The following CACNA1D variants were observed in gnomAD, a reference collection of about 807,000 sequenced individuals.
CACNA1D encodes the protein calcium voltage-gated channel subunit alpha1 D.
Under a neutral mutation model 257.1 loss-of-function variants are expected in CACNA1D, and 55 were observed. That is an observed-to-expected ratio of 0.21 (90% confidence interval 0.17 to 0.27). The LOEUF is 0.27. Ranked by LOEUF, CACNA1D falls within the 10% of genes least tolerant of loss-of-function variation. The probability of loss-of-function intolerance (pLI) is 1.00; values close to 1 mark genes in which losing one functional copy is unlikely to be tolerated. For synonymous variants in CACNA1D, 980 were observed against 1,014.9 expected, an observed-to-expected ratio of 0.97 and a Z score of 0.65; for missense variants, 1,876 against 2,784.0, an observed-to-expected ratio of 0.67 and a Z score of 7.34.
intron 3 of CACNA1D, among the ~76,000 whole-genome samples, chr3:53,647,579 C>G (rs923866851): frequency 3.9e-5 from 6 of 152,246 alleles, no homozygotes; most frequent in Non-Finnish European, 8.8e-5. Flanking sequence ...TGTTAGGAAC[C>G]TGACTTTCTT....
intron 3 of CACNA1D, among the ~76,000 whole-genome samples, chr3:53,563,870 A>T (rs750017554): frequency 3.3e-5 from 5 of 152,138 alleles, no homozygotes; most frequent in Non-Finnish European, 7.4e-5. Context: ...TTTTCTTGAT[A>T]CATATGTGCT....
At chr3:53,696,317 C>T (rs2094572943) in intron 8 of CACNA1D, among the ~76,000 whole-genome samples, 1 of 152,200 alleles carries the variant, frequency 6.6e-6, no homozygotes, top group Non-Finnish European at 1.5e-5. Context: ...CTTCTCCTTC[C>T]TCTGCTCCTG....
intron 3 of CACNA1D, among the ~76,000 whole-genome samples, chr3:53,551,553 A>G (rs1392567076): frequency 2.6e-5 from 4 of 152,216 alleles, no homozygotes; most frequent in African/African-American, 4.8e-5. Flanking sequence ...TAAATGAACT[A>G]TGAGGTATCG....
intron 3 of CACNA1D, among the ~76,000 whole-genome samples, chr3:53,549,698 A>G (rs2092489291): frequency 6.6e-6 from 1 of 152,246 alleles, no homozygotes; most frequent in African/African-American, 2.4e-5. Flanking sequence ...AGGGTATTAC[A>G]CTTGCTCATA....
At chr3:53,808,871 A>G (rs2095581346) in intron 46 of CACNA1D, 101 bp downstream of exon 46, 3 of 1,245,654 alleles carry the variant, frequency 2.4e-6, no homozygotes, top group Non-Finnish European at 3.4e-6. Context: ...CCAGGAGGGA[A>G]GGAGAGAATC....
At chr3:53,515,858 C>G (rs1373746785) in intron 3 of CACNA1D, among the ~76,000 whole-genome samples, 1 of 152,156 alleles carries the variant, frequency 6.6e-6, no homozygotes, top group East Asian at 1.9e-4. Context: ...AGATGCTGGC[C>G]CATTGATTTC....
At chr3:53,749,174 G>A (rs1050208359) in intron 26 of CACNA1D, 94 bp from the exon 27 acceptor site, 20 of 846,740 alleles carry the variant, frequency 2.4e-5, no homozygotes, top group Admixed American at 1.4e-4. Context: ...GCTCATGAGA[G>A]GAGTTCTGGA....
intron 3 of CACNA1D, among the ~76,000 whole-genome samples, chr3:53,549,195 A>G (rs2092477471): frequency 6.6e-6 from 1 of 152,220 alleles, no homozygotes; most frequent in Non-Finnish European, 1.5e-5. Flanking sequence ...AGGATGGCTG[A>G]GTATAGTAGG....
intron 6 of CACNA1D, 93 bp downstream of exon 6, chr3:53,665,905 T>C: frequency 9.5e-7 from 1 of 1,058,028 alleles, no homozygotes; most frequent in Non-Finnish European, 1.4e-6. Flanking sequence ...TAAAACAAAA[T>C]AGGAAAAAAA....
chr3:53,794,206 T>A (rs1257486844), intron 40 of CACNA1D, among the ~76,000 whole-genome samples: 5 of 152,208 alleles, frequency 3.3e-5, no homozygotes, highest in Non-Finnish European at 7.3e-5. Flanking sequence ...AAGGTGGTAA[T>A]TATCGTGGCT....
In CACNA1D at chr3:53,555,556, A is replaced by G. The variant is rs375233127; in HGVS notation, c.483+53836A>G. ...ATAAAAGAGAGATCTAGGACTTTCTAAACCTGAGGCCCACAGCCCTTTCAT... is the reference window on the plus strand; with the variant it reads ...ATAAAAGAGAGATCTAGGACTTTCTGAACCTGAGGCCCACAGCCCTTTCAT... On this transcript the variant is annotated intron_variant, in intron 3 of 47. Transcript: ENST00000350061. Among the ~76,000 whole-genome samples the G allele has an allele frequency of 5.4e-5, 8 of 148,818 alleles. No individual in the cohort carries two copies. The East Asian group carries it at 5.9e-4, about 11-fold the overall frequency.
chr3:53,716,953 C>T (rs2094825725), intron 9 of CACNA1D, among the ~76,000 whole-genome samples: 1 of 152,226 alleles, frequency 6.6e-6, no homozygotes, highest in South Asian at 2.1e-4. Context: ...CGAACACAGC[C>T]CCCTACGCGA....
At chr3:53,659,291 G>A (rs1344284298) in intron 4 of CACNA1D, among the ~76,000 whole-genome samples, 1 of 152,192 alleles carries the variant, frequency 6.6e-6, no homozygotes, top group East Asian at 1.9e-4. Context: ...CACATTTCAA[G>A]AGAGAGAATG....
intron 3 of CACNA1D, among the ~76,000 whole-genome samples, chr3:53,506,079 G>A (rs2090834058): frequency 6.6e-6 from 1 of 152,156 alleles, no homozygotes; most frequent in Non-Finnish European, 1.5e-5. Flanking sequence ...CTGGCTCCTT[G>A]GGCTTAGCCT....
At position 53,660,382 on chromosome 3, in the gene CACNA1D, G is replaced by T. The variant is rs76894271; in HGVS notation, c.766+107G>T. ...GTGAGTTGCTCTGTGCCAGCCAGGG[G>T]TCAGCAGATGACCATGGCCTCCTTC... is the stretch of plus-strand genomic sequence containing the variant. On this transcript the variant is annotated intron_variant, in intron 5 of 47. Coordinates refer to ENST00000350061, the MANE Select transcript of CACNA1D (RefSeq NM_001128840.3). 1,668 of 1,025,448 alleles carry T rather than the reference G, an allele frequency of 1.6e-3. 10 individuals are homozygous for T. The African/African-American group carries it at 0.019, about 12-fold the overall frequency. The allele number at this position is 1,025,448 out of a possible 1,614,324, so 63.5% of individuals were successfully genotyped here.
At chr3:53,675,666 G>A (rs1201918952) in intron 8 of CACNA1D, among the ~76,000 whole-genome samples, 4 of 152,152 alleles carry the variant, frequency 2.6e-5, no homozygotes, top group African/African-American at 7.2e-5. Context: ...CTGCAACTCC[G>A]TGGGAGGTAC....
chr3:53,714,267 AG>A (rs966093987), intron 9 of CACNA1D, among the ~76,000 whole-genome samples: 5 of 152,122 alleles, frequency 3.3e-5, no homozygotes, highest in Non-Finnish European at 5.9e-5. Context: ...GGGAGGTCTG[AG>A]GGGTCTGCCT....
intron 40 of CACNA1D, among the ~76,000 whole-genome samples, chr3:53,798,290 A>G (rs2095517021): frequency 6.7e-6 from 1 of 149,138 alleles, no homozygotes; most frequent in Non-Finnish European, 1.5e-5. Flanking sequence ...TGAGAGAGGG[A>G]AAGTGTGTGT....
At chr3:53,677,986 A>C (rs1227787001) in intron 8 of CACNA1D, among the ~76,000 whole-genome samples, 1 of 152,190 alleles carries the variant, frequency 6.6e-6, no homozygotes, top group Non-Finnish European at 1.5e-5. Context: ...GGCCTATTGA[A>C]ATTATGACAG....
Sources: gnomAD v4.1 joint callset for allele counts (sites outside exome capture counted in the v4.1 genomes callset) on GRCh38, gnomAD v4.1.1 for gene constraint, MANE v1.5 for transcripts, NCBI Gene and HGNC (gene_info 2026-07-23, HGNC 2026-07-21) for gene names.